SDC2: variants seen among roughly 807,000 people sequenced by gnomAD.
SDC2 encodes syndecan 2.
In SDC2, 13 loss-of-function variants were observed where a neutral mutation model predicts 22.2. The observed-to-expected ratio is 0.59, with a 90% CI of 0.38 to 0.93. SDC2 has a LOEUF of 0.93. Ranked by LOEUF, SDC2 falls within the 40% of genes least tolerant of loss-of-function variation. The probability of loss-of-function intolerance (pLI) is 0.00; values close to 1 mark genes in which losing one functional copy is unlikely to be tolerated. For missense variants in SDC2, 235 were observed against 246.8 expected (o/e 0.95, Z 0.32); for synonymous variants, 94 against 92.8 (o/e 1.01, Z -0.07).
At chr8:96,585,312 C>CT (rs1814663666) in intron 1 of SDC2, among the ~76,000 whole-genome samples, 1 of 152,090 alleles carries the variant, frequency 6.6e-6, no homozygotes, top group Admixed American at 6.5e-5. Flanking sequence ...CGAAATGTGT[C>CT]AAGAGTTTGG....
Position 96,506,250 on chromosome 8 carries a change from G to A in SDC2, c.60+11919G>A, listed in dbSNP as rs149898609. On this transcript the variant is annotated intron_variant, in intron 1 of 4. Coordinates refer to ENST00000302190, the MANE Select transcript of SDC2 (RefSeq NM_002998.4). ...GTAAAATGTACAAAAGGTAGAAAGA[G>A]TAAGAAATTGTTTAGAACCTGAATG... 6.6e-5 allele frequency among the ~76,000 whole-genome samples: 10 copies of A among 152,266 alleles called. No homozygotes were observed. The East Asian group carries it at 1.9e-3, about 29-fold the overall frequency.
intron 1 of SDC2, among the ~76,000 whole-genome samples, chr8:96,559,751 C>G (rs1814176716): frequency 6.6e-6 from 1 of 152,182 alleles, no homozygotes; most frequent in South Asian, 2.1e-4. Flanking sequence ...CTCAAGAATT[C>G]TTCAGCAGAA....
chr8:96,602,600 C>T (rs1815010051), intron 3 of SDC2, 72 bp downstream of exon 3: 4 of 1,508,114 alleles, frequency 2.7e-6, no homozygotes, highest in African/African-American at 2.8e-5. Flanking sequence ...CTGTACACAA[C>T]AGTCCCTTTT....
At chr8:96,553,701 TA>T (rs1814063383) in intron 1 of SDC2, among the ~76,000 whole-genome samples, 1 of 152,184 alleles carries the variant, frequency 6.6e-6, no homozygotes, top group African/African-American at 2.4e-5. Flanking sequence ...TATGCTTTAT[TA>T]CTTTGCTTCA....
intron 1 of SDC2, among the ~76,000 whole-genome samples, chr8:96,506,527 A>T (rs773879675): frequency 6.6e-6 from 1 of 152,126 alleles, no homozygotes. Flanking sequence ...CCCAGGCTGC[A>T]GTGCAGTGGT....
At chr8:96,566,353 G>A (rs1586303532) in intron 1 of SDC2, among the ~76,000 whole-genome samples, 1 of 152,200 alleles carries the variant, frequency 6.6e-6, no homozygotes, top group East Asian at 1.9e-4. Flanking sequence ...CATTTGATTT[G>A]TCCTAATGCT....
chr8:96,537,005 C>G (rs1348558890), intron 1 of SDC2, among the ~76,000 whole-genome samples: 1 of 152,190 alleles, frequency 6.6e-6, no homozygotes, highest in African/African-American at 2.4e-5. Flanking sequence ...TCAGTAAAAT[C>G]AGCCATTCAA....
chr8:96,559,808 C>A (rs970592987), intron 1 of SDC2, among the ~76,000 whole-genome samples: 9 of 152,184 alleles, frequency 5.9e-5, no homozygotes, highest in African/African-American at 2.2e-4. Flanking sequence ...GCCAGCTTTT[C>A]TCTTCCACTT....
chr8:96,541,791 A>G (rs1303327192), intron 1 of SDC2, among the ~76,000 whole-genome samples: 5 of 152,202 alleles, frequency 3.3e-5, no homozygotes, highest in Admixed American at 3.3e-4. Flanking sequence ...TTGCAGAACA[A>G]TGAGTATATT....
At chr8:96,545,594 G>C (rs954618613) in intron 1 of SDC2, among the ~76,000 whole-genome samples, 3 of 152,204 alleles carry the variant, frequency 2.0e-5, no homozygotes, top group Non-Finnish European at 2.9e-5. Flanking sequence ...GGAGGGCAAG[G>C]AGGATGCTAA....
chr8:96,501,731 T>C (rs888610584), intron 1 of SDC2, among the ~76,000 whole-genome samples: 13 of 152,218 alleles, frequency 8.5e-5, no homozygotes, highest in African/African-American at 2.7e-4. Flanking sequence ...TCTTAATCCC[T>C]GTGAGACCTC....
At chr8:96,500,523 G>A (rs575913669) in intron 1 of SDC2, among the ~76,000 whole-genome samples, 3 of 151,908 alleles carry the variant, frequency 2.0e-5, no homozygotes, top group East Asian at 3.9e-4. Flanking sequence ...TTAGCCGGGC[G>A]TGGTGATGGG....
rs561048921 is a variant in SDC2 at position 96,609,716 on chromosome 8, A to C, written c.*168A>C. On this transcript the variant is annotated 3_prime_UTR_variant, in exon 5 of 5. Transcript: ENST00000302190. ...AACATTTCATGTATTTCTTTAGAAC[A>C]ACATAAAATTAAAATTTAACATCTG... 1 of 469,420 alleles carries C rather than the reference A, an allele frequency of 2.1e-6. No individual in the cohort carries two copies. Among genetic ancestry groups the C allele is most frequent in the Admixed American group, 4.2e-5 (1 of 23,816 alleles). The allele number at this position is 469,420 out of a possible 1,614,324, so 29.1% of individuals were successfully genotyped here. A position where few individuals can be genotyped will look rare whatever the true frequency, so the allele number is the denominator to read the frequency against.
At chr8:96,545,990 C>T (rs1813925657) in intron 1 of SDC2, among the ~76,000 whole-genome samples, 1 of 152,176 alleles carries the variant, frequency 6.6e-6, no homozygotes, top group African/African-American at 2.4e-5. Context: ...GAGGCAACAG[C>T]AGTCAGGCTC....
At chr8:96,570,071 A>AC (rs1814366715) in intron 1 of SDC2, among the ~76,000 whole-genome samples, 1 of 152,200 alleles carries the variant, frequency 6.6e-6, no homozygotes, top group Non-Finnish European at 1.5e-5. Context: ...AAAGTGCCTT[A>AC]AATGTTAACT....
At chr8:96,578,475 C>T (rs1258352754) in intron 1 of SDC2, among the ~76,000 whole-genome samples, 2 of 152,126 alleles carry the variant, frequency 1.3e-5, no homozygotes, top group Non-Finnish European at 2.9e-5. Flanking sequence ...ATTAGACAGC[C>T]CTAATGCAAA....
At chr8:96,608,837 G>T (rs977988239) in intron 4 of SDC2, among the ~76,000 whole-genome samples, 3 of 152,104 alleles carry the variant, frequency 2.0e-5, no homozygotes, top group Non-Finnish European at 4.4e-5. Context: ...GTTCTTTAGG[G>T]GAAGGCAGTT....
chr8:96,518,688 G>A (rs532145957), intron 1 of SDC2, among the ~76,000 whole-genome samples: 2 of 152,262 alleles, frequency 1.3e-5, no homozygotes, highest in South Asian at 4.1e-4. Flanking sequence ...CAGATAAAGA[G>A]CTGAAACTTC....
At chr8:96,562,328 G>C (rs893244631) in intron 1 of SDC2, among the ~76,000 whole-genome samples, 2 of 152,118 alleles carry the variant, frequency 1.3e-5, no homozygotes, top group Non-Finnish European at 2.9e-5. Context: ...GTCTTTTCAG[G>C]TCCACAGCCT....
Sources: allele counts gnomAD v4.1 joint callset (sites outside exome capture counted in the v4.1 genomes callset), GRCh38; gene constraint gnomAD v4.1.1; transcripts MANE v1.5; gene names NCBI Gene and HGNC (gene_info 2026-07-23, HGNC 2026-07-21).